Variants in LIAS observed in about 807,000 individuals in gnomAD.
The protein encoded by LIAS is lipoic acid synthetase.
LIAS carries 36 observed loss-of-function variants against 49.4 expected under a neutral mutation model. That is an observed-to-expected ratio of 0.73 (90% CI 0.56 to 0.96). LIAS has a LOEUF of 0.96. Ranked by LOEUF, LIAS falls within the 40% of genes least tolerant of loss-of-function variation. LIAS has a pLI of 0.00. For synonymous variants in LIAS, 145 were observed against 155.8 expected (o/e 0.93, Z 0.52); for missense variants, 399 against 456.3 (o/e 0.87, Z 1.14).
Position 39,477,226 on chromosome 4 carries a change from C to A in LIAS, c.*111C>A. 1 of 790,718 alleles carries A rather than the reference C, an allele frequency of 1.3e-6. No individual in the cohort carries two copies. The highest frequency in any genetic ancestry group is 2.0e-6 in the Non-Finnish European group (1 of 488,908). 49.0% of individuals were successfully genotyped at this position (790,718 alleles called of 1,614,324 possible). On this transcript the variant is annotated 3_prime_UTR_variant, in exon 11 of 11. Transcript: ENST00000640888. ...GCAGTGGATGTGCCCCACCTCTTTGCTTAAAAAAAAAAATGTCAATAGCCA... is the reference window on the plus strand; with the variant it reads ...GCAGTGGATGTGCCCCACCTCTTTGATTAAAAAAAAAAATGTCAATAGCCA...
chr4:39,474,545 A>G (rs1241986365), intron 10 of LIAS, among the ~76,000 whole-genome samples: 4 of 152,020 alleles, frequency 2.6e-5, no homozygotes, highest in Admixed American at 2.0e-4. Context: ...CAGGAGTTCA[A>G]ATACAGCCTG....
At position 39,477,121 on chromosome 4, in the gene LIAS, C is replaced by T. The variant is rs759488500; in HGVS notation, c.*6C>T. 6.3e-7 allele frequency: 1 copy of T among 1,591,844 alleles called. No individual in the cohort carries two copies. The highest frequency in any genetic ancestry group is 8.5e-7 in the Non-Finnish European group (1 of 1,170,438). On this transcript the variant is annotated 3_prime_UTR_variant, in exon 11 of 11. Coordinates refer to ENST00000640888, the MANE Select transcript of LIAS (RefSeq NM_006859.4). ...GAAAAACAAAAGACCTCTAAAACTTCAACAAGACCTTCAAGATCACAGAAA... is the reference window on the plus strand; with the variant it reads ...GAAAAACAAAAGACCTCTAAAACTTTAACAAGACCTTCAAGATCACAGAAA...
intron 6 of LIAS, chr4:39,466,131 C>T (rs559854529): frequency 3.3e-5 from 5 of 151,990 alleles, no homozygotes; most frequent in Non-Finnish European, 5.9e-5. Flanking sequence ...CACTACCACG[C>T]TTGGCTAATG....
chr4:39,473,406 T>C (rs932742700), intron 10 of LIAS, 195 bp downstream of exon 10: 1 of 433,818 alleles, frequency 2.3e-6, no homozygotes, highest in African/African-American at 2.0e-5. Context: ...TCTTAATCTT[T>C]TGTTTCTTAA....
chr4:39,476,246 G>A (rs1236909391), intron 10 of LIAS: 2 of 152,196 alleles, frequency 1.3e-5, no homozygotes, highest in Non-Finnish European at 2.9e-5. Context: ...ATGGATTAGG[G>A]TCTGATAAAG....
In LIAS at chr4:39,460,912, G is replaced by A. The variant is rs768182597; in HGVS notation, c.168G>A (p.Arg56=). ...TTGTATCTGGTGATCTTGCAGACAG[G>A]AGCACCTGGGATGAATATAAAGGAA... ...QDFVSGDLAD[R]STWDEYKGNL... is the part of the protein sequence containing the mutation. The change falls in exon 2 of 11, where the codon AGG becomes AGA. Residue 56 remains arginine (R), a synonymous_variant. Transcript: ENST00000640888. The A allele has an allele frequency of 5.0e-6, 8 of 1,612,348 alleles. No individual in the cohort carries two copies. The African/African-American group carries it at 5.3e-5, about 11-fold the overall frequency.
intron 4 of LIAS, among the ~76,000 whole-genome samples, chr4:39,464,772 C>T (rs1744694612): frequency 6.6e-6 from 1 of 152,172 alleles, no homozygotes; most frequent in East Asian, 1.9e-4. Context: ...AGCCACTGCA[C>T]CCTGCTTTGT....
chr4:39,463,807 T>C (rs1303358011), intron 4 of LIAS: 8 of 1,090,814 alleles, frequency 7.3e-6, no homozygotes, highest in Non-Finnish European at 9.4e-6. Context: ...CTATTATTGG[T>C]TCTTTCATTT....
Position 39,460,901 on chromosome 4 carries a change from C to A in LIAS, c.157C>A (p.Leu53Ile). 6.2e-7 allele frequency: 1 copy of A among 1,613,072 alleles called. No homozygotes were observed. Among genetic ancestry groups the A allele is most frequent in the Non-Finnish European group, 8.5e-7 (1 of 1,179,572 alleles). ...PDLQDFVSGD[L>I]ADRSTWDEYK... ...CCTTCAAGATTTTGTATCTGGTGAT[C>A]TTGCAGACAGGAGCACCTGGGATGA... The change falls in exon 2 of 11, where the codon CTT (leucine) becomes ATT (isoleucine). Residue 53 changes from leucine to isoleucine, a missense_variant. Coordinates refer to ENST00000640888, the MANE Select transcript of LIAS (RefSeq NM_006859.4).
Position 39,463,374 on chromosome 4 carries a change from G to A in LIAS, c.313-151G>A, listed in dbSNP as rs931451656. 8.1e-6 allele frequency: 8 copies of A among 984,950 alleles called. No individual in the cohort carries two copies. The South Asian group carries it at 1.4e-4, about 17-fold the overall frequency. The allele number at this position is 984,950 out of a possible 1,614,324, so 61.0% of individuals were successfully genotyped here. A position where few individuals can be genotyped will look rare whatever the true frequency, so the allele number is the denominator to read the frequency against. The stretch of plus-strand genomic sequence containing the variant: ...GCTGGAATTACAGGCATGAGCCAGC[G>A]CACTTGGTCTTAACAGCATTTTTGA... On this transcript the variant is annotated intron_variant, in intron 3 of 10. Coordinates refer to ENST00000640888, the MANE Select transcript of LIAS (RefSeq NM_006859.4).
Position 39,460,930 on chromosome 4 carries a change from T to G in LIAS, c.186T>G (p.Tyr62Ter). The change falls in exon 2 of 11, where the codon TAT becomes TAG. Residue 62 changes from tyrosine to a stop codon, truncating the protein, a stop_gained. Coordinates refer to ENST00000640888, the MANE Select transcript of LIAS (RefSeq NM_006859.4). LOFTEE classifies it high-confidence loss of function. ...DLADRSTWDE[Y>*]KGNLKRQKGE... ...CAGACAGGAGCACCTGGGATGAATATAAAGGAAACCTAAAACGCCAGAAAG... is the reference window on the plus strand; with the variant it reads ...CAGACAGGAGCACCTGGGATGAATAGAAAGGAAACCTAAAACGCCAGAAAG... 1 of 1,604,662 alleles carries G rather than the reference T, an allele frequency of 6.2e-7. No homozygotes were observed. The highest frequency in any genetic ancestry group is 1.1e-5 in the South Asian group (1 of 88,346).
chr4:39,463,192 C>T (rs1270105839), intron 3 of LIAS, among the ~76,000 whole-genome samples: 1 of 150,654 alleles, frequency 6.6e-6, no homozygotes, highest in Non-Finnish European at 1.5e-5. Flanking sequence ...CTCAAGTGAT[C>T]CTCTCTCCTC....
Position 39,460,963 on chromosome 4 carries a change from G to A in LIAS, c.218+1G>A, listed in dbSNP as rs779113995. On this transcript the variant is annotated splice_donor_variant, in intron 2 of 10. Coordinates refer to ENST00000640888, the MANE Select transcript of LIAS (RefSeq NM_006859.4). LOFTEE classifies it high-confidence loss of function. ...ACCTAAAACGCCAGAAAGGAGAAAG[G>A]TAATTGAAAATTTGAGATAATTTTA... 6.3e-6 allele frequency: 10 copies of A among 1,581,332 alleles called. No individual in the cohort carries two copies. The highest frequency in any genetic ancestry group is 2.2e-5 in the East Asian group (1 of 44,484).
At chr4:39,459,312 A>G (rs1560663838) in intron 1 of LIAS, 150 bp downstream of exon 1, 1 of 667,016 alleles carries the variant, frequency 1.5e-6, no homozygotes, top group Non-Finnish European at 2.5e-6. Context: ...AATCTCATGT[A>G]ATTATCCCGC....
In LIAS at chr4:39,477,132, T is replaced by C; in HGVS notation, c.*17T>C. The C allele has an allele frequency of 6.3e-7, 1 of 1,583,678 alleles. No homozygotes were observed. Among genetic ancestry groups the C allele is most frequent in the South Asian group, 1.2e-5 (1 of 85,934 alleles). ...GACCTCTAAAACTTCAACAAGACCT[T>C]CAAGATCACAGAAATTTTTAAAATT... is the stretch of plus-strand genomic sequence containing the variant. On this transcript the variant is annotated 3_prime_UTR_variant, in exon 11 of 11. Transcript: ENST00000640888.
rs1191012348 is a variant in LIAS, at chr4:39,479,261, A to T, written c.*2146A>T. 1 of 152,052 alleles carries T rather than the reference A, an allele frequency of 6.6e-6. No homozygotes were observed. The highest frequency in any genetic ancestry group is 1.5e-5 in the Non-Finnish European group (1 of 68,068). The allele number at this position is 152,052 out of a possible 1,614,324, so 9.4% of individuals were successfully genotyped here. On this transcript the variant is annotated 3_prime_UTR_variant, in exon 11 of 11. Coordinates refer to ENST00000640888, the MANE Select transcript of LIAS (RefSeq NM_006859.4). ...CGGGCATGGTGGCTTAATGCCTGTA[A>T]TTCCAACGTTTTGGGAGGCCGAGGC...
chr4:39,462,954 T>C (rs1171349268), intron 3 of LIAS, among the ~76,000 whole-genome samples: 3 of 152,212 alleles, frequency 2.0e-5, no homozygotes, highest in Non-Finnish European at 2.9e-5. Flanking sequence ...ACCACTGCAC[T>C]CCAGCCTGGA....
At chr4:39,476,780 G>A (rs558037922) in intron 10 of LIAS, 2 of 300,526 alleles carry the variant, frequency 6.7e-6, no homozygotes, top group South Asian at 5.1e-5. Context: ...TAGAATTAAT[G>A]TGCAGACCCA....
chr4:39,463,554 T>C lies in LIAS; in HGVS notation c.342T>C (p.Ile114=). ...GTGAGGAAGCTCGATGTCCCAATAT[T>C]GGAGAGTGTTGGGGAGGTGGAGAAT... ...TVCEEARCPN[I]GECWGGGEYA... is the part of the protein sequence containing the mutation. The change falls in exon 4 of 11, where the codon ATT becomes ATC. Residue 114 remains isoleucine, a synonymous_variant. Coordinates refer to ENST00000640888, the MANE Select transcript of LIAS (RefSeq NM_006859.4). 1 of 1,611,596 alleles carries C rather than the reference T, an allele frequency of 6.2e-7. No homozygotes were observed. The highest frequency in any genetic ancestry group is 8.5e-7 in the Non-Finnish European group (1 of 1,178,434).
Sources: allele counts gnomAD v4.1 joint callset (sites outside exome capture counted in the v4.1 genomes callset), GRCh38; gene constraint gnomAD v4.1.1; transcripts MANE v1.5; gene names NCBI Gene and HGNC (gene_info 2026-07-23, HGNC 2026-07-21).